Variants in MANSC1 observed in about 807,000 individuals in gnomAD.
The protein encoded by MANSC1 is MANSC domain-containing protein 1.
MANSC1 carries 13 observed loss-of-function variants against 14.1 expected under a neutral mutation model. The ratio of observed to expected loss-of-function variants is 0.92; its 90% CI spans 0.60 to 1.46. MANSC1 has a LOEUF of 1.46. Ranked by LOEUF, MANSC1 falls within the 40% of genes most tolerant of loss-of-function variation. MANSC1 has a pLI of 0.00. For missense variants in MANSC1, 486 were observed against 511.4 expected (o/e 0.95, Z 0.48); for synonymous variants, 227 against 200.7 (o/e 1.13, Z -1.11).
At position 12,348,386 on chromosome 12, in the gene MANSC1, A is replaced by T. The variant is rs574323329; in HGVS notation, c.-101+1692T>A. The T allele has an allele frequency of 2.0e-5, 3 of 152,366 alleles. No homozygotes were observed. In the East Asian group the frequency reaches 5.8e-4, roughly 29 times the overall value. 9.4% of individuals were successfully genotyped at this position (152,366 alleles called of 1,614,324 possible). On this transcript the variant is annotated intron_variant, in intron 1 of 3. Transcript: ENST00000535902. The stretch of plus-strand genomic sequence containing the variant: ...ATTACTCAGTAATAAAAATAAATGA[A>T]CTATCAAGCCACAAAAAGACATGGA...
At chr12:12,334,531 G>A (rs775644288) in intron 3 of MANSC1, among the ~76,000 whole-genome samples, 6 of 152,222 alleles carry the variant, frequency 3.9e-5, no homozygotes, top group African/African-American at 9.6e-5. Flanking sequence ...TTGGTGCCAC[G>A]TTGCCCCTAG....
rs1461314651 is a variant in MANSC1, at chr12:12,338,409, G to A, written c.364+11C>T. The A allele has an allele frequency of 2.5e-6, 4 of 1,574,128 alleles. No homozygotes were observed. The highest frequency in any genetic ancestry group is 3.4e-6 in the Non-Finnish European group (4 of 1,165,096). ...CCAATCACAAAAGAAAAAGTATAAT[G>A]CTTTCATTACCTGTAATTATCCTGT... On this transcript the variant is annotated intron_variant, in intron 3 of 3. Transcript: ENST00000535902.
At chr12:12,338,735 A>AT (rs1286606083) in intron 2 of MANSC1, 175 bp from the exon 3 acceptor site, 4 of 631,200 alleles carry the variant, frequency 6.3e-6, no homozygotes, top group Non-Finnish European at 8.1e-6. Context: ...GCTTAAGGCA[A>AT]TTTTAAAAAA....
chr12:12,349,819 C>T (rs140458653), intron 1 of MANSC1, among the ~76,000 whole-genome samples: 12 of 152,372 alleles, frequency 7.9e-5, no homozygotes, highest in African/African-American at 2.9e-4. Flanking sequence ...CTGAGCTATT[C>T]TTCTGCCTCT....
At chr12:12,339,183 G>C (rs80168036) in intron 2 of MANSC1, 6 of 164,030 alleles carry the variant, frequency 3.7e-5, no homozygotes, top group African/African-American at 1.4e-4. Context: ...GCCTGATGGA[G>C]AGAAAGAGGC....
chr12:12,335,266 T>C (rs2135990703), intron 3 of MANSC1, among the ~76,000 whole-genome samples: 1 of 152,042 alleles, frequency 6.6e-6, no homozygotes, highest in Admixed American at 6.5e-5. Context: ...TAACCAGTCT[T>C]TCCATTTCCA....
chr12:12,335,803 C>T (rs1157109819), intron 3 of MANSC1, among the ~76,000 whole-genome samples: 1 of 151,326 alleles, frequency 6.6e-6, no homozygotes, highest in Non-Finnish European at 1.5e-5. Context: ...CACTGCATCA[C>T]TGAACTCCAG....
Position 12,328,984 on chromosome 12 carries a change from T to TCTCTCACA in MANSC1, c.*1042_*1043insTGTGAGAG, listed in dbSNP as rs1555139837. ...GCCTGGGTGACAGAGCAAGACTCTG[T>TCTCTCACA]CACACACACACACACACACACACAC... On this transcript the variant is annotated 3_prime_UTR_variant, in exon 4 of 4. Transcript: ENST00000535902. 1 of 131,628 alleles carries TCTCTCACA rather than the reference T, an allele frequency of 7.6e-6. No individual in the cohort carries two copies. The highest frequency in any genetic ancestry group is 2.9e-5 in the African/African-American group (1 of 34,936). 8.2% of individuals were successfully genotyped at this position (131,628 alleles called of 1,614,324 possible). A position where few individuals can be genotyped will look rare whatever the true frequency, so the allele number is the denominator to read the frequency against.
rs1862741335 is a variant in MANSC1 at position 12,328,854 on chromosome 12, G to A, written c.*1173C>T. The A allele has an allele frequency of 1.3e-5, 2 of 151,838 alleles. No homozygotes were observed. The highest frequency in any genetic ancestry group is 2.9e-5 in the Non-Finnish European group (2 of 68,030). The allele number at this position is 151,838 out of a possible 1,614,324, so 9.4% of individuals were successfully genotyped here. A position where few individuals can be genotyped will look rare whatever the true frequency, so the allele number is the denominator to read the frequency against. Reference sequence around the variant, plus strand: ...ATATAAAAAATTAGCTGGGCGTGTTGGCGGGCGCCTGTAGTCCCAGCTACT... The same window carrying A: ...ATATAAAAAATTAGCTGGGCGTGTTAGCGGGCGCCTGTAGTCCCAGCTACT... On this transcript the variant is annotated 3_prime_UTR_variant, in exon 4 of 4. Transcript: ENST00000535902.
chr12:12,333,807 C>A (rs1173158226), intron 3 of MANSC1, among the ~76,000 whole-genome samples: 1 of 152,232 alleles, frequency 6.6e-6, no homozygotes, highest in East Asian at 1.9e-4. Context: ...TTCTCCTATT[C>A]TTCCAGTCCT....
intron 1 of MANSC1, chr12:12,348,101 G>A (rs1030376544): frequency 2.0e-5 from 3 of 151,954 alleles, no homozygotes; most frequent in African/African-American, 7.3e-5. Context: ...CTCATTCATT[G>A]CTGTTGGGGA....
intron 1 of MANSC1, among the ~76,000 whole-genome samples, chr12:12,349,380 A>G (rs1317147215): frequency 6.6e-6 from 1 of 152,204 alleles, no homozygotes; most frequent in Non-Finnish European, 1.5e-5. Flanking sequence ...CTATGTAAGG[A>G]GATGGGGCAG....
Position 12,326,077 on chromosome 12 carries a change from A to G in MANSC1, c.*3950T>C, listed in dbSNP as rs541957712. 1 of 152,332 alleles carries G rather than the reference A, an allele frequency of 6.6e-6. No homozygotes were observed. Among genetic ancestry groups the G allele is most frequent in the East Asian group, 1.9e-4 (1 of 5,186 alleles). 9.4% of individuals were successfully genotyped at this position (152,332 alleles called of 1,614,324 possible). A position where few individuals can be genotyped will look rare whatever the true frequency, so the allele number is the denominator to read the frequency against. On this transcript the variant is annotated 3_prime_UTR_variant, in exon 4 of 4. Transcript: ENST00000535902. The stretch of plus-strand genomic sequence containing the variant: ...CGACTGAAAGTGGTACAAATATTAG[A>G]GATTTATTATTACAGAACAAGATGG...
chr12:12,336,802 A>G (rs1206425465), intron 3 of MANSC1, among the ~76,000 whole-genome samples: 3 of 152,186 alleles, frequency 2.0e-5, no homozygotes, highest in Non-Finnish European at 4.4e-5. Flanking sequence ...AATTATAGGC[A>G]TGAGCTACCA....
Position 12,338,457 on chromosome 12 carries a change from T to C in MANSC1, c.327A>G (p.Lys109=). The stretch of plus-strand genomic sequence containing the variant: ...TGTAACTCATAAGTCCTTTTGCTGG[T>C]TTCAATGGACAGGCTTCCTCGTTGG... ...FCPNEEACPL[K]PAKGLMSYRI... The change falls in exon 3 of 4, where the codon AAA becomes AAG. Residue 109 remains lysine (K), a synonymous_variant. Transcript: ENST00000535902. 5 of 1,609,718 alleles carry C rather than the reference T, an allele frequency of 3.1e-6. No individual in the cohort carries two copies. The highest frequency in any genetic ancestry group is 4.2e-6 in the Non-Finnish European group (5 of 1,179,020).
intron 1 of MANSC1, among the ~76,000 whole-genome samples, chr12:12,344,509 C>T (rs1163651669): frequency 7.3e-5 from 11 of 149,878 alleles, no homozygotes; most frequent in South Asian, 2.1e-4. Flanking sequence ...GTATTGCTGT[C>T]GCCAGGCTGG....
At chr12:12,342,425 C>T (rs1021872661) in intron 2 of MANSC1, among the ~76,000 whole-genome samples, 1 of 152,184 alleles carries the variant, frequency 6.6e-6, no homozygotes, top group Non-Finnish European at 1.5e-5. Flanking sequence ...GTATACTTCT[C>T]TTTTCAGTAC....
At chr12:12,337,520 C>G (rs1409415079) in intron 3 of MANSC1, among the ~76,000 whole-genome samples, 1 of 152,158 alleles carries the variant, frequency 6.6e-6, no homozygotes, top group Non-Finnish European at 1.5e-5. Flanking sequence ...GAGATCGCAC[C>G]ACTGCACTCC....
chr12:12,332,834 C>A (rs763542586), intron 3 of MANSC1, among the ~76,000 whole-genome samples: 4 of 151,766 alleles, frequency 2.6e-5, no homozygotes, highest in Non-Finnish European at 5.9e-5. Flanking sequence ...TTTTATATTT[C>A]TTTTAATGGC....
Sources: gnomAD v4.1 joint callset for allele counts (sites outside exome capture counted in the v4.1 genomes callset) on GRCh38, gnomAD v4.1.1 for gene constraint, MANE v1.5 for transcripts, NCBI Gene and HGNC (gene_info 2026-07-23, HGNC 2026-07-21) for gene names.